The following CCSER1 variants were observed in gnomAD, a reference collection of about 807,000 sequenced individuals.
The protein encoded by CCSER1 is coiled-coil serine rich protein 1.
In CCSER1, 41 loss-of-function variants were observed where a neutral mutation model predicts 82.0. That is an observed-to-expected ratio of 0.50 (90% CI 0.39 to 0.65). The LOEUF (loss-of-function observed/expected upper bound fraction) is 0.65. Among genes scored for constraint, CCSER1 ranks in the 30% least tolerant of loss-of-function variants. The pLI, the probability that CCSER1 is intolerant of heterozygous loss-of-function variation, is 0.00. For missense variants in CCSER1, 1,119 were observed against 1,064.2 expected, an observed-to-expected ratio of 1.05 and a Z score of -0.72; for synonymous variants, 414 against 383.9, an observed-to-expected ratio of 1.08 and a Z score of -0.92.
chr4:91,402,888 G>C (rs1467706847), intron 10 of CCSER1, among the ~76,000 whole-genome samples: 2 of 152,084 alleles, frequency 1.3e-5, no homozygotes, highest in Non-Finnish European at 2.9e-5. Context: ...GCTCTTTTTT[G>C]GTTCCATATG....
intron 7 of CCSER1, among the ~76,000 whole-genome samples, chr4:90,739,055 A>C (rs1746114468): frequency 6.6e-6 from 1 of 152,224 alleles, no homozygotes; most frequent in Non-Finnish European, 1.5e-5. Flanking sequence ...TAGCCACCAC[A>C]GCTGTGAATG....
At chr4:90,426,840 C>A (rs1348710831) in intron 4 of CCSER1, among the ~76,000 whole-genome samples, 1 of 152,000 alleles carries the variant, frequency 6.6e-6, no homozygotes, top group Admixed American at 6.6e-5. Context: ...TGGCAATATG[C>A]TTTTCTAAAT....
At chr4:90,341,311 T>C (rs7688401) in intron 3 of CCSER1, among the ~76,000 whole-genome samples, 38,533 of 151,952 alleles carry the variant, frequency 0.25, 5,130 homozygotes, top group African/African-American at 0.33. Flanking sequence ...TCTTCCTAGA[T>C]GAAAAATATC....
chr4:90,611,059 C>CTTTTCTTTTTTTTTTTT (rs1303751301), intron 5 of CCSER1, among the ~76,000 whole-genome samples: 32 of 93,822 alleles, frequency 3.4e-4, no homozygotes, highest in African/African-American at 1.6e-3. Flanking sequence ...CTTTTCTTTT[C>CTTTTCTTTTTTTTTTTT]TTTTTTTTTT....
chr4:90,557,022 T>C (rs544502733), intron 5 of CCSER1, among the ~76,000 whole-genome samples: 1 of 152,090 alleles, frequency 6.6e-6, no homozygotes, highest in Admixed American at 6.5e-5. Context: ...TATATCTACT[T>C]ATTGAAAAGT....
At chr4:91,267,277 G>A (rs1741670730) in intron 10 of CCSER1, among the ~76,000 whole-genome samples, 1 of 151,754 alleles carries the variant, frequency 6.6e-6, no homozygotes, top group East Asian at 1.9e-4. Context: ...TTAGTTCTTT[G>A]TTTTTTATTA....
At chr4:90,427,351 G>T (rs2153564473) in intron 4 of CCSER1, among the ~76,000 whole-genome samples, 1 of 151,824 alleles carries the variant, frequency 6.6e-6, no homozygotes, top group Admixed American at 6.6e-5. Flanking sequence ...TCATGTTACT[G>T]ATGGTACATC....
At chr4:91,456,746 C>G (rs1463401042) in intron 10 of CCSER1, among the ~76,000 whole-genome samples, 1 of 152,046 alleles carries the variant, frequency 6.6e-6, no homozygotes, top group African/African-American at 2.4e-5. Flanking sequence ...TATTATTTAC[C>G]TTTGTTGTTT....
intron 10 of CCSER1, among the ~76,000 whole-genome samples, chr4:91,420,729 T>C (rs1260789322): frequency 6.6e-6 from 1 of 152,154 alleles, no homozygotes; most frequent in Non-Finnish European, 1.5e-5. Flanking sequence ...CAAAGATATA[T>C]CTTCATCATC....
chr4:91,517,346 CTTTAT>C (rs1179804633), intron 10 of CCSER1, among the ~76,000 whole-genome samples: 4 of 152,036 alleles, frequency 2.6e-5, no homozygotes, highest in African/African-American at 7.2e-5. Context: ...AAAGATAACT[CTTTAT>C]TTTAAAGTAT....
chr4:91,173,291 C>A (rs565630858), intron 10 of CCSER1, among the ~76,000 whole-genome samples: 63 of 152,194 alleles, frequency 4.1e-4, no homozygotes, highest in African/African-American at 1.4e-3. Context: ...TTCAGAAAGA[C>A]ATTAAGAAAA....
intron 1 of CCSER1, among the ~76,000 whole-genome samples, chr4:90,213,911 G>C (rs1264133511): frequency 2.0e-5 from 3 of 152,138 alleles, no homozygotes; most frequent in African/African-American, 7.2e-5. Context: ...CAGAAAGGAT[G>C]AGAGATGCTT....
At chr4:91,425,930 G>A (rs1181675935) in intron 10 of CCSER1, among the ~76,000 whole-genome samples, 1 of 152,152 alleles carries the variant, frequency 6.6e-6, no homozygotes, top group Non-Finnish European at 1.5e-5. Flanking sequence ...GTATACATGT[G>A]CAGAATGTGC....
At position 91,150,035 on chromosome 4, in the gene CCSER1, T is replaced by A. The variant is rs1489827944; in HGVS notation, c.2217+64041T>A. On this transcript the variant is annotated intron_variant, in intron 10 of 10. Coordinates refer to ENST00000509176, the MANE Select transcript of CCSER1 (RefSeq NM_001145065.2). Reference sequence around the variant, plus strand: ...GTGGAGAAAGTCATTGGTAGCTTGATGGGGATGGCATTGAATCTATAAATT... The same window carrying A: ...GTGGAGAAAGTCATTGGTAGCTTGAAGGGGATGGCATTGAATCTATAAATT... Among the ~76,000 whole-genome samples, 3 of 152,296 alleles carry A rather than the reference T, an allele frequency of 2.0e-5. No homozygotes were observed. The East Asian group carries it at 5.8e-4, about 29-fold the overall frequency.
At chr4:90,151,648 G>A (rs1726874576) in intron 1 of CCSER1, among the ~76,000 whole-genome samples, 1 of 151,996 alleles carries the variant, frequency 6.6e-6, no homozygotes, top group Non-Finnish European at 1.5e-5. Context: ...GAGTACACCT[G>A]GAGAGCAAAC....
intron 6 of CCSER1, among the ~76,000 whole-genome samples, chr4:90,716,309 AG>A (rs1319358843): frequency 6.6e-6 from 1 of 151,986 alleles, no homozygotes; most frequent in Admixed American, 6.6e-5. Flanking sequence ...ATTTTTAAAA[AG>A]TAGTAAATAC....
chr4:90,361,002 G>A (rs565986468), intron 3 of CCSER1, among the ~76,000 whole-genome samples: 1 of 152,164 alleles, frequency 6.6e-6, no homozygotes, highest in East Asian at 1.9e-4. Context: ...ATTTACAATG[G>A]TACATCCATA....
At chr4:90,779,593 T>C (rs1753469676) in intron 7 of CCSER1, among the ~76,000 whole-genome samples, 1 of 152,344 alleles carries the variant, frequency 6.6e-6, no homozygotes, top group African/African-American at 2.4e-5. Flanking sequence ...ACACCAGACG[T>C]TCCTCATGGG....
chr4:90,327,496 T>C (rs970920723), intron 3 of CCSER1, among the ~76,000 whole-genome samples: 2 of 152,188 alleles, frequency 1.3e-5, no homozygotes, highest in African/African-American at 4.8e-5. Flanking sequence ...AATAATATTT[T>C]TCTGTATCCT....
Sources: allele counts gnomAD v4.1 joint callset (sites outside exome capture counted in the v4.1 genomes callset), GRCh38; gene constraint gnomAD v4.1.1; transcripts MANE v1.5; gene names NCBI Gene and HGNC (gene_info 2026-07-23, HGNC 2026-07-21).